Variants in NTRK2 observed in about 807,000 individuals in gnomAD.
The protein encoded by NTRK2 is neurotrophic receptor tyrosine kinase 2.
NTRK2 carries 13 observed loss-of-function variants against 94.5 expected under a neutral mutation model. That is an observed-to-expected ratio of 0.14 (90% CI 0.09 to 0.22). The LOEUF is 0.22. Ranked by LOEUF, NTRK2 falls within the 10% of genes least tolerant of loss-of-function variation. The pLI, the probability that NTRK2 is intolerant of heterozygous loss-of-function variation, is 1.00. For synonymous variants in NTRK2, 372 were observed against 407.4 expected, an observed-to-expected ratio of 0.91 and a Z score of 1.05; for missense variants, 639 against 1,071.2, an observed-to-expected ratio of 0.60 and a Z score of 5.63.
chr9:84,674,955 C>T (rs1000021269), intron 2 of NTRK2, among the ~76,000 whole-genome samples: 4 of 151,986 alleles, frequency 2.6e-5, no homozygotes, highest in African/African-American at 9.7e-5. Context: ...GTGATATTTC[C>T]TTATGGGAAT....
At chr9:85,007,696 C>T (rs757700310) in intron 17 of NTRK2, among the ~76,000 whole-genome samples, 5 of 152,148 alleles carry the variant, frequency 3.3e-5, no homozygotes, top group Non-Finnish European at 7.3e-5. Context: ...AGGACTTCTA[C>T]TAAGTGAGAA....
intron 4 of NTRK2, among the ~76,000 whole-genome samples, chr9:84,704,767 T>A (rs1485575505): frequency 2.6e-5 from 4 of 152,086 alleles, no homozygotes; most frequent in African/African-American, 9.7e-5. Context: ...TATGAAGAGG[T>A]CATCAGATGG....
intron 18 of NTRK2, 139 bp downstream of exon 18, chr9:85,020,503 A>C: frequency 1.2e-6 from 1 of 847,590 alleles, no homozygotes. Flanking sequence ...CTTCCCAAGT[A>C]GCCTGCTATG....
Position 84,937,118 on chromosome 9 carries a change from G to A in NTRK2, c.1764+2826G>A, listed in dbSNP as rs147313573. 5.6e-4 allele frequency among the ~76,000 whole-genome samples: 86 copies of A among 152,266 alleles called. 2 individuals carry two copies. In the East Asian group the frequency reaches 0.012, roughly 22 times the overall value. On this transcript the variant is annotated intron_variant, in intron 15 of 18. Transcript: ENST00000277120. The stretch of plus-strand genomic sequence containing the variant: ...GTGTATTCAAAGACTATCCAAAGGA[G>A]CCTGGGAAGAAAATGTCTATAGTTC...
chr9:84,978,667 A>T (rs1827204632), intron 17 of NTRK2, among the ~76,000 whole-genome samples: 1 of 152,216 alleles, frequency 6.6e-6, no homozygotes, highest in Non-Finnish European at 1.5e-5. Context: ...AATGTAGACA[A>T]AACAGCCTTC....
intron 17 of NTRK2, among the ~76,000 whole-genome samples, chr9:85,004,047 G>GAA (rs1564542231): frequency 1.0e-4 from 4 of 39,834 alleles, no homozygotes; most frequent in Non-Finnish European, 1.6e-4. Flanking sequence ...GAAAGAAAGG[G>GAA]AGAAAGAGAA....
At chr9:84,777,907 G>A (rs539404998) in intron 12 of NTRK2, among the ~76,000 whole-genome samples, 130 of 152,216 alleles carry the variant, frequency 8.5e-4, no homozygotes, top group Non-Finnish European at 1.6e-3. Flanking sequence ...TTACCTTAAG[G>A]TAGGATGACA....
At chr9:84,740,997 T>C (rs2063607900) in intron 9 of NTRK2, among the ~76,000 whole-genome samples, 1 of 152,204 alleles carries the variant, frequency 6.6e-6, no homozygotes, top group South Asian at 2.1e-4. Context: ...GCATAGGAAA[T>C]AGCTTTGGAA....
At chr9:84,700,870 C>T (rs183964757) in intron 2 of NTRK2, among the ~76,000 whole-genome samples, 9 of 152,226 alleles carry the variant, frequency 5.9e-5, no homozygotes, top group Admixed American at 5.2e-4. Flanking sequence ...CTTGTAATGC[C>T]TTTGTAACTC....
At chr9:84,698,849 A>G (rs1003614027) in intron 2 of NTRK2, among the ~76,000 whole-genome samples, 2 of 152,068 alleles carry the variant, frequency 1.3e-5, no homozygotes, top group Admixed American at 6.6e-5. Context: ...ATTCCCTGTT[A>G]TTCACCTTAC....
At chr9:84,910,347 C>A (rs1043493986) in intron 14 of NTRK2, among the ~76,000 whole-genome samples, 2 of 152,128 alleles carry the variant, frequency 1.3e-5, no homozygotes, top group Non-Finnish European at 2.9e-5. Flanking sequence ...GAACTCTTCC[C>A]TTCCCTTGTC....
chr9:84,743,092 T>C (rs1322450308), intron 10 of NTRK2, among the ~76,000 whole-genome samples: 1 of 152,170 alleles, frequency 6.6e-6, no homozygotes, highest in Non-Finnish European at 1.5e-5. Flanking sequence ...TTAGCCACCA[T>C]GCCCGGCCTA....
chr9:84,751,311 G>A (rs1027012999), intron 11 of NTRK2, among the ~76,000 whole-genome samples: 1 of 152,206 alleles, frequency 6.6e-6, no homozygotes, highest in Non-Finnish European at 1.5e-5. Context: ...TGGATGCGGT[G>A]GCTCATGCCT....
chr9:84,964,396 C>T (rs576121753), intron 17 of NTRK2, among the ~76,000 whole-genome samples: 2 of 152,286 alleles, frequency 1.3e-5, no homozygotes, highest in East Asian at 1.9e-4. Context: ...TCATAGGAAC[C>T]AGCTTTATTT....
At chr9:84,965,803 C>T (rs761244140) in intron 17 of NTRK2, among the ~76,000 whole-genome samples, 6 of 152,158 alleles carry the variant, frequency 3.9e-5, no homozygotes, top group Non-Finnish European at 8.8e-5. Flanking sequence ...ATGAAAATTA[C>T]TCCTGAGTCC....
At position 84,814,974 on chromosome 9, in the gene NTRK2, T is replaced by C. The variant is rs991610518; in HGVS notation, c.1397-46066T>C. 22 of 1,059,502 alleles carry C rather than the reference T, an allele frequency of 2.1e-5. No homozygotes were observed. In the African/African-American group the frequency reaches 3.1e-4, roughly 15 times the overall value. The allele number at this position is 1,059,502 out of a possible 1,614,324, so 65.6% of individuals were successfully genotyped here. ...ACCATGCCAGGTTCATCTAAAGACA[T>C]AGGGGAAGATTAAGGACTCTTTTGG... On this transcript the variant is annotated intron_variant, in intron 12 of 18. Transcript: ENST00000277120.
chr9:84,875,660 G>A, intron 14 of NTRK2: 1 of 1,055,908 alleles, frequency 9.5e-7, no homozygotes, highest in African/African-American at 1.6e-5. Flanking sequence ...TACCTTGGCT[G>A]TGCAAGGACC....
chr9:84,836,610 G>C (rs939471117), intron 12 of NTRK2, among the ~76,000 whole-genome samples: 1 of 146,126 alleles, frequency 6.8e-6, no homozygotes, highest in Non-Finnish European at 1.5e-5. Flanking sequence ...TTATCATCTA[G>C]TATGCAGGAC....
rs1832826358 is a variant in NTRK2 at position 85,022,361 on chromosome 9, C to A, written c.*924C>A. On this transcript the variant is annotated 3_prime_UTR_variant, in exon 19 of 19. Transcript: ENST00000277120. ...AGATGGCGCATAGTGTGCTCGGACA[C>A]AGTTTTGTCTTCGTAGGTTGTGATG... 1 of 233,142 alleles carries A rather than the reference C, an allele frequency of 4.3e-6. No homozygotes were observed. The allele number at this position is 233,142 out of a possible 1,614,324, so 14.4% of individuals were successfully genotyped here. A position where few individuals can be genotyped will look rare whatever the true frequency, so the allele number is the denominator to read the frequency against.
Sources: gnomAD v4.1 joint callset for allele counts (sites outside exome capture counted in the v4.1 genomes callset) on GRCh38, gnomAD v4.1.1 for gene constraint, MANE v1.5 for transcripts, NCBI Gene and HGNC (gene_info 2026-07-23, HGNC 2026-07-21) for gene names.